The following RASA1 variants were observed in gnomAD, a reference collection of about 807,000 sequenced individuals.
RASA1 encodes ras GTPase-activating protein 1.
Under a neutral mutation model 132.2 loss-of-function variants are expected in RASA1, and 25 were observed. That is an observed-to-expected ratio of 0.19 (90% confidence interval 0.14 to 0.26). The LOEUF (loss-of-function observed/expected upper bound fraction) is 0.26. Among genes scored for constraint, RASA1 ranks in the 10% least tolerant of loss-of-function variants. RASA1 has a pLI of 1.00. For missense variants in RASA1, 964 were observed against 1,299.2 expected (o/e 0.74, Z 3.97); for synonymous variants, 477 against 449.9 (o/e 1.06, Z -0.76).
intron 6 of RASA1, among the ~76,000 whole-genome samples, 196 bp from the exon 7 acceptor site, chr5:87,346,476 T>C (rs1758868358): frequency 6.6e-6 from 1 of 151,918 alleles, no homozygotes; most frequent in African/African-American, 2.4e-5. Flanking sequence ...TAGTTTCTAG[T>C]TTTACTATCT....
At chr5:87,276,047 G>A (rs1754049132) in intron 1 of RASA1, among the ~76,000 whole-genome samples, 1 of 152,080 alleles carries the variant, frequency 6.6e-6, no homozygotes, top group Admixed American at 6.6e-5. Context: ...AAAATGGCAT[G>A]AATACAGCAA....
chr5:87,369,825 T>C lies in RASA1; in HGVS notation c.1623T>C (p.Phe541=). The stretch of plus-strand genomic sequence containing the variant: ...TTTTATTTTAAAGGCCAAACTGTTT[T>C]CAGATAGTAGTTCAGCACTTTAGTG... ...HDSLFGRPNC[F]QIVVQHFSEE... Residue 541 remains phenylalanine, a synonymous_variant, in exon 12 of 25, where the codon TTT becomes TTC. Transcript: ENST00000274376. 6.2e-7 allele frequency: 1 copy of C among 1,611,510 alleles called. No homozygotes were observed. Among genetic ancestry groups the C allele is most frequent in the East Asian group, 2.2e-5 (1 of 44,622 alleles).
Position 87,364,206 on chromosome 5 carries a change from G to A in RASA1, c.1610+702G>A, listed in dbSNP as rs574152513. 2.0e-5 allele frequency among the ~76,000 whole-genome samples: 3 copies of A among 152,194 alleles called. No individual in the cohort carries two copies. In the South Asian group the frequency reaches 6.2e-4, roughly 31 times the overall value. ...TGTTTCAACAGCTTGTTTTTCTGCC[G>A]CAGGATGGCATTTCTGTGAGGCAAA... On this transcript the variant is annotated intron_variant, in intron 11 of 24. Transcript: ENST00000274376.
At chr5:87,275,641 G>T (rs191494540) in intron 1 of RASA1, among the ~76,000 whole-genome samples, 2 of 152,026 alleles carry the variant, frequency 1.3e-5, no homozygotes, top group Admixed American at 1.3e-4. Flanking sequence ...CAGTGGTATG[G>T]CTCACTGCAA....
intron 15 of RASA1, among the ~76,000 whole-genome samples, chr5:87,375,406 G>A (rs913350057): frequency 2.0e-5 from 3 of 151,894 alleles, no homozygotes; most frequent in South Asian, 2.1e-4. Flanking sequence ...GACTACAGGC[G>A]CCCGCCACCA....
intron 1 of RASA1, among the ~76,000 whole-genome samples, chr5:87,278,993 C>T (rs1034862801): frequency 6.7e-5 from 9 of 135,272 alleles, no homozygotes; most frequent in Non-Finnish European, 1.4e-4. Flanking sequence ...CCTGTAATCT[C>T]AGCACTTTGT....
chr5:87,287,822 TACACACACCATATATATACCATATATAC>T (rs2112261347), intron 1 of RASA1, among the ~76,000 whole-genome samples: 1 of 127,102 alleles, frequency 7.9e-6, no homozygotes, highest in Non-Finnish European at 1.7e-5. Context: ...ATACCATATA[TACACACACCATATATATACCATATATAC>T]ACACACCATA....
Position 87,391,820 on chromosome 5 carries a change from T to G in RASA1, c.*937T>G. 2 of 231,862 alleles carry G rather than the reference T, an allele frequency of 8.6e-6. No homozygotes were observed. The highest frequency in any genetic ancestry group is 6.2e-5 in the East Asian group (1 of 16,220). 14.4% of individuals were successfully genotyped at this position (231,862 alleles called of 1,614,324 possible). On this transcript the variant is annotated 3_prime_UTR_variant, in exon 25 of 25. Coordinates refer to ENST00000274376, the MANE Select transcript of RASA1 (RefSeq NM_002890.3). ...GACTACTTGTTGTATCTGCTGGATA[T>G]TTAGTTCAACTGTATAGTTTTATTT... is the stretch of plus-strand genomic sequence containing the variant.
At position 87,307,024 on chromosome 5, in the gene RASA1, G is replaced by T. The variant is rs192976014; in HGVS notation, c.540-24324G>T. 3.3e-5 allele frequency among the ~76,000 whole-genome samples: 5 copies of T among 152,062 alleles called. No homozygotes were observed. In the South Asian group the frequency reaches 8.3e-4, roughly 25 times the overall value. ...ATAGGTGTGCGCCACTGTGTGCAGC[G>T]TATTTGTTTTAGAAAACCTTTTTTG... On this transcript the variant is annotated intron_variant, in intron 1 of 24. Transcript: ENST00000274376.
intron 4 of RASA1, among the ~76,000 whole-genome samples, chr5:87,337,627 TCA>T (rs1758066306): frequency 6.6e-6 from 1 of 152,124 alleles, no homozygotes; most frequent in African/African-American, 2.4e-5. Flanking sequence ...GTTTTTCAAT[TCA>T]GTTTTCTTGT....
At chr5:87,380,632 A>C (rs754324892) in intron 20 of RASA1, 37 bp downstream of exon 20, 1 of 1,502,842 alleles carries the variant, frequency 6.7e-7, no homozygotes, top group South Asian at 1.1e-5. Flanking sequence ...ATCACATACT[A>C]ATAGGTGGAT....
chr5:87,272,424 A>G (rs2112230479), intron 1 of RASA1, among the ~76,000 whole-genome samples: 1 of 152,232 alleles, frequency 6.6e-6, no homozygotes, highest in South Asian at 2.1e-4. Flanking sequence ...TTCTGAAGTT[A>G]GACAAGATTT....
At chr5:87,355,565 C>T (rs1759590813) in intron 9 of RASA1, among the ~76,000 whole-genome samples, 1 of 152,182 alleles carries the variant, frequency 6.6e-6, no homozygotes, top group South Asian at 2.1e-4. Flanking sequence ...TAGAGATGTA[C>T]AAGGAGATTG....
intron 8 of RASA1, among the ~76,000 whole-genome samples, chr5:87,350,034 T>C (rs1044403453): frequency 2.6e-5 from 4 of 151,900 alleles, no homozygotes; most frequent in African/African-American, 9.7e-5. Context: ...GGCATAATCT[T>C]GTTCTAAAAT....
In RASA1 at chr5:87,391,746, T is replaced by A. The variant is rs1298222928; in HGVS notation, c.*863T>A. 1.7e-5 allele frequency: 4 copies of A among 232,482 alleles called. No homozygotes were observed. The East Asian group carries it at 2.5e-4, about 14-fold the overall frequency. The allele number at this position is 232,482 out of a possible 1,614,324, so 14.4% of individuals were successfully genotyped here. ...TCATTATTTGTGCTACCCCTTTGAT[T>A]ATGCAGACAACCTCATCAGCTGCCT... On this transcript the variant is annotated 3_prime_UTR_variant, in exon 25 of 25. Coordinates refer to ENST00000274376, the MANE Select transcript of RASA1 (RefSeq NM_002890.3).
intron 14 of RASA1, 96 bp from the exon 15 acceptor site, chr5:87,374,744 G>A: frequency 6.7e-7 from 1 of 1,499,536 alleles, no homozygotes. Context: ...TTTTTTTAAA[G>A]CAGAAATAGG....
chr5:87,389,652 T>C, intron 24 of RASA1, 125 bp downstream of exon 24: 6 of 1,280,860 alleles, frequency 4.7e-6, no homozygotes, highest in Admixed American at 3.7e-5. Flanking sequence ...CTCTGCATCA[T>C]ATTACAAAAG....
intron 20 of RASA1, 132 bp from the exon 21 acceptor site, chr5:87,383,581 C>G (rs890836894): frequency 2.6e-5 from 16 of 617,882 alleles, no homozygotes; most frequent in African/African-American, 2.5e-4. Context: ...TCTGGGCTTT[C>G]TTTTATTGGT....
chr5:87,310,534 G>A (rs1755830611), intron 1 of RASA1, among the ~76,000 whole-genome samples: 1 of 152,252 alleles, frequency 6.6e-6, no homozygotes, highest in East Asian at 1.9e-4. Flanking sequence ...GCATAAAGAA[G>A]TAGGAAGGAA....
Sources: gnomAD v4.1 joint callset for allele counts (sites outside exome capture counted in the v4.1 genomes callset) on GRCh38, gnomAD v4.1.1 for gene constraint, MANE v1.5 for transcripts, NCBI Gene and HGNC (gene_info 2026-07-23, HGNC 2026-07-21) for gene names.